The following DET1 variants were observed in gnomAD, a reference collection of about 807,000 sequenced individuals.
DET1 encodes the protein DET1 homolog.
A neutral mutation model predicts 43.7 loss-of-function variants in DET1; 22 were observed. That is an observed-to-expected ratio of 0.50 (90% CI 0.36 to 0.72). DET1 has a LOEUF of 0.72. Among genes scored for constraint, DET1 ranks in the 30% least tolerant of loss-of-function variants. The pLI, the probability that DET1 is intolerant of heterozygous loss-of-function variation, is 0.00. For missense variants in DET1, 713 were observed against 713.3 expected, an observed-to-expected ratio of 1.00 and a Z score of 0.00; for synonymous variants, 315 against 266.2, an observed-to-expected ratio of 1.18 and a Z score of -1.79.
chr15:88,528,233 A>G (rs375484073), intron 2 of DET1, among the ~76,000 whole-genome samples: 2 of 152,200 alleles, frequency 1.3e-5, no homozygotes, highest in Non-Finnish European at 2.9e-5. Flanking sequence ...TGAAAAAGTG[A>G]TTTGCAGCCT....
At chr15:88,506,012 G>C (rs11853349) in intron 7 of DET1, among the ~76,000 whole-genome samples, 1 of 151,832 alleles carries the variant, frequency 6.6e-6, no homozygotes, top group Non-Finnish European at 1.5e-5. Context: ...CTTATGTCAG[G>C]TGGTCACTAG....
chr15:88,537,915 T>A (rs1271347849), intron 1 of DET1, among the ~76,000 whole-genome samples: 2 of 152,198 alleles, frequency 1.3e-5, no homozygotes, highest in African/African-American at 4.8e-5. Context: ...TTACATTTTG[T>A]CTTCTCCATA....
At chr15:88,512,233 G>T, downstream of DET1, 1 of 453,506 alleles carries the variant, frequency 2.2e-6, no homozygotes, top group Non-Finnish European at 2.9e-6. Flanking sequence ...ATGGGAGCAT[G>T]CTTCCACATG....
At chr15:88,521,320 G>T (rs1371291302) in intron 3 of DET1, among the ~76,000 whole-genome samples, 3 of 152,202 alleles carry the variant, frequency 2.0e-5, no homozygotes, top group Admixed American at 1.3e-4. Context: ...TGAAGCCTAT[G>T]CTGACAACTC....
chr15:88,525,468 AAC>A (rs1188421310), intron 3 of DET1, among the ~76,000 whole-genome samples: 1 of 152,196 alleles, frequency 6.6e-6, no homozygotes, highest in Non-Finnish European at 1.5e-5. Context: ...ATTTTTGGAA[AAC>A]AGAGTTCCTT....
intron 4 of DET1, among the ~76,000 whole-genome samples, chr15:88,515,564 A>AAAAAAAAAAAAAAAC (rs2056322870): frequency 1.3e-5 from 2 of 149,810 alleles, no homozygotes; most frequent in Admixed American, 6.6e-5. Flanking sequence ...AAAAAAAAAA[A>AAAAAAAAAAAAAAAC]AAAAGACCGA....
chr15:88,512,099 T>C (rs1440280102), downstream of DET1, among the ~76,000 whole-genome samples: 1 of 152,214 alleles, frequency 6.6e-6, no homozygotes, highest in African/African-American at 2.4e-5. Context: ...CTGGTCTCTG[T>C]AGGGACACCT....
chr15:88,533,430 G>A (rs1036719110), intron 1 of DET1, among the ~76,000 whole-genome samples: 3 of 152,052 alleles, frequency 2.0e-5, no homozygotes, highest in Admixed American at 6.6e-5. Flanking sequence ...TCTACTTCTG[G>A]GTATAAATCC....
At chr15:88,520,286 C>T (rs1237156812) in intron 3 of DET1, among the ~76,000 whole-genome samples, 1 of 152,154 alleles carries the variant, frequency 6.6e-6, no homozygotes, top group African/African-American at 2.4e-5. Flanking sequence ...TGTAATAAAA[C>T]TCCTCAAAAC....
At chr15:88,524,365 C>T (rs1210037013) in intron 3 of DET1, among the ~76,000 whole-genome samples, 2 of 151,916 alleles carry the variant, frequency 1.3e-5, no homozygotes, top group African/African-American at 4.8e-5. Flanking sequence ...GCCTGGCCAC[C>T]GCCCCGTCCG....
rs1339885773 is a variant in DET1 at position 88,504,762 on chromosome 15, T to G, written c.*2066-775A>C. ...CCCCAGGGCCCATCAAAATTCAAATTAGTCAATCCCAAACCTGCTTACCTG... is the reference window on the plus strand; with the variant it reads ...CCCCAGGGCCCATCAAAATTCAAATGAGTCAATCCCAAACCTGCTTACCTG... On this transcript the variant is annotated intron_variant and NMD_transcript_variant, in intron 7 of 8. Coordinates refer to the DET1 transcript ENST00000557842. This position sits in a 1 kb window ranked among gnomAD's most constrained non-coding sequence, Gnocchi z 4.7. 1.3e-5 allele frequency: 2 copies of G among 152,020 alleles called. No homozygotes were observed. The highest frequency in any genetic ancestry group is 4.8e-5 in the African/African-American group (2 of 41,352). 9.4% of individuals were successfully genotyped at this position (152,020 alleles called of 1,614,324 possible).
chr15:88,524,092 C>G (rs1023975774), intron 3 of DET1, among the ~76,000 whole-genome samples: 5 of 151,460 alleles, frequency 3.3e-5, no homozygotes, highest in Admixed American at 2.0e-4. Flanking sequence ...TGCCCCGCCG[C>G]CCCATCTGGG....
downstream of DET1, among the ~76,000 whole-genome samples, chr15:88,510,701 C>T (rs931743717): frequency 6.6e-6 from 1 of 151,774 alleles, no homozygotes; most frequent in African/African-American, 2.4e-5. Flanking sequence ...TTTATCTGGC[C>T]GTAACTCCCT....
chr15:88,513,743 C>A (rs993543535), intron 4 of DET1, among the ~76,000 whole-genome samples: 8 of 145,508 alleles, frequency 5.5e-5, no homozygotes, highest in East Asian at 4.1e-4. Flanking sequence ...CCATATTGGA[C>A]AGTGTGGATC....
rs569087654 is a variant in DET1, at chr15:88,535,090, C to T, written c.-10-3375G>A. 7.2e-5 allele frequency among the ~76,000 whole-genome samples: 11 copies of T among 152,252 alleles called. No individual in the cohort carries two copies. The South Asian group carries it at 2.1e-3, about 29-fold the overall frequency. On this transcript the variant is annotated intron_variant, in intron 1 of 4. Transcript: ENST00000268148. The stretch of plus-strand genomic sequence containing the variant: ...AAATGATGGAAAAACAAAGTCTCAG[C>T]TAAGAAACAGAAGATATTTCTTAAA...
chr15:88,512,224 T>C (rs2056214006), downstream of DET1: 1 of 397,012 alleles, frequency 2.5e-6, no homozygotes, highest in Middle Eastern at 1.3e-3. Context: ...ATGGTACAGA[T>C]GGGAGCATGC....
chr15:88,544,443 A>G (rs912831650), intron 1 of DET1, among the ~76,000 whole-genome samples: 1 of 152,172 alleles, frequency 6.6e-6, no homozygotes, highest in Non-Finnish European at 1.5e-5. Flanking sequence ...AAATATCACA[A>G]GCTAATTTAT....
chr15:88,523,818 G>A (rs6496494), intron 3 of DET1, among the ~76,000 whole-genome samples: 10,551 of 152,090 alleles, frequency 0.069, 1,241 homozygotes, highest in African/African-American at 0.24. Context: ...GCCTGCCTTG[G>A]CCTCCCAAAG....
intron 3 of DET1, among the ~76,000 whole-genome samples, chr15:88,518,477 A>T (rs1159847896): frequency 6.6e-6 from 1 of 152,232 alleles, no homozygotes; most frequent in East Asian, 1.9e-4. Context: ...CTGTCTATAT[A>T]ATATGGCTAA....
Sources: gnomAD v4.1 joint callset for allele counts (sites outside exome capture counted in the v4.1 genomes callset) on GRCh38, gnomAD v4.1.1 for gene constraint, Gnocchi (gnomAD v3.1) non-coding constraint, MANE v1.5 for transcripts, NCBI Gene and HGNC (gene_info 2026-07-23, HGNC 2026-07-21) for gene names.